ACACA: variants seen among roughly 807,000 people sequenced by gnomAD.
ACACA encodes acetyl-CoA carboxylase alpha.
In ACACA, 103 loss-of-function variants were observed where a neutral mutation model predicts 296.1. The ratio of observed to expected loss-of-function variants is 0.35; its 90% CI spans 0.30 to 0.41. The LOEUF is 0.41. Among genes scored for constraint, ACACA ranks in the 10% least tolerant of loss-of-function variants. ACACA has a pLI of 1.00. For missense variants in ACACA, 1,554 were observed against 2,989.7 expected (o/e 0.52, Z 11.20); for synonymous variants, 953 against 1,038.6 (o/e 0.92, Z 1.58).
intron 3 of ACACA, among the ~76,000 whole-genome samples, chr17:37,298,949 T>C (rs759350809): frequency 6.6e-6 from 1 of 152,226 alleles, no homozygotes; most frequent in Non-Finnish European, 1.5e-5. Context: ...CTGGAAATAC[T>C]AGCCAAATCC....
intron 14 of ACACA, among the ~76,000 whole-genome samples, chr17:37,257,380 C>T (rs2081272163): frequency 6.6e-6 from 1 of 152,100 alleles, no homozygotes; most frequent in Non-Finnish European, 1.5e-5. Flanking sequence ...GGCCAAGAAT[C>T]TACCTCCCCT....
chr17:37,309,899 A>T (rs940662094), intron 3 of ACACA, among the ~76,000 whole-genome samples: 4 of 152,080 alleles, frequency 2.6e-5, no homozygotes, highest in Non-Finnish European at 5.9e-5. Context: ...AAAAAAATTT[A>T]AAAATTATCC....
intron 1 of ACACA, among the ~76,000 whole-genome samples, chr17:37,343,634 G>A (rs527412874): frequency 1.3e-5 from 2 of 151,932 alleles, no homozygotes; most frequent in African/African-American, 2.4e-5. Context: ...GCCTGGTGGC[G>A]GGTGCCTGTA....
intron 1 of ACACA, among the ~76,000 whole-genome samples, chr17:37,347,478 T>C (rs2048680497): frequency 6.6e-6 from 1 of 152,152 alleles, no homozygotes; most frequent in Non-Finnish European, 1.5e-5. Flanking sequence ...GTGATTTTTG[T>C]GGAGACGGGG....
intron 35 of ACACA, among the ~76,000 whole-genome samples, chr17:37,195,239 T>C (rs1432802230): frequency 1.3e-5 from 2 of 152,196 alleles, no homozygotes; most frequent in African/African-American, 4.8e-5. Flanking sequence ...ATTAAAATGT[T>C]TGTTTAGGAT....
At chr17:37,201,674 T>C (rs914908256) in intron 33 of ACACA, among the ~76,000 whole-genome samples, 1 of 152,142 alleles carries the variant, frequency 6.6e-6, no homozygotes, top group Non-Finnish European at 1.5e-5. Flanking sequence ...AGAAAACATA[T>C]GAATAGTACA....
intron 3 of ACACA, among the ~76,000 whole-genome samples, chr17:37,296,482 T>A (rs989424503): frequency 6.6e-6 from 1 of 151,812 alleles, no homozygotes; most frequent in African/African-American, 2.4e-5. Context: ...ATTTTTTGTA[T>A]TTTTAGTAGA....
At chr17:37,229,324 G>A (rs1009045239) in intron 25 of ACACA, among the ~76,000 whole-genome samples, 1 of 151,908 alleles carries the variant, frequency 6.6e-6, no homozygotes, top group Admixed American at 6.5e-5. Flanking sequence ...TTGTTTTTAA[G>A]ACGGAGTCTC....
At chr17:37,173,603 T>G (rs926986615) in intron 41 of ACACA, among the ~76,000 whole-genome samples, 1 of 152,102 alleles carries the variant, frequency 6.6e-6, no homozygotes, top group African/African-American at 2.4e-5. Flanking sequence ...TGTGTATTTT[T>G]TTATATGTTT....
rs73982240 is a variant in ACACA at position 37,129,015 on chromosome 17, C to G, written c.5944+350G>C. 1.1e-3 allele frequency among the ~76,000 whole-genome samples: 172 copies of G among 152,214 alleles called. 1 individual carries two copies. Among genetic ancestry groups the G allele is most frequent in the African/African-American group, 4.1e-3 (169 of 41,534 alleles). On this transcript the variant is annotated intron_variant, in intron 47 of 55. Transcript: ENST00000616317. ...TGTAGGGATTAGATGACTGAAGATT[C>G]TAGTCCTATAATTTTATGATTTTAT...
intron 3 of ACACA, among the ~76,000 whole-genome samples, chr17:37,319,581 G>C (rs1485165059): frequency 6.6e-6 from 1 of 152,000 alleles, no homozygotes; most frequent in Non-Finnish European, 1.5e-5. Flanking sequence ...CCAGCACTTT[G>C]ACAGGTCAAA....
Position 37,085,416 on chromosome 17 carries a change from G to A in ACACA, c.*1900C>T. The A allele has an allele frequency of 2.5e-6, 1 of 394,266 alleles. No individual in the cohort carries two copies. Among genetic ancestry groups the A allele is most frequent in the Non-Finnish European group, 4.5e-6 (1 of 223,786 alleles). 24.4% of individuals were successfully genotyped at this position (394,266 alleles called of 1,614,324 possible). ...CACCCTGCCTCTGAAGACATGCCTG[G>A]ACAGGCCTCCTGGGGGGTGCAGGAC... On this transcript the variant is annotated 3_prime_UTR_variant, in exon 56 of 56. Transcript: ENST00000616317.
intron 45 of ACACA, among the ~76,000 whole-genome samples, chr17:37,134,062 G>A (rs1409174409): frequency 6.6e-6 from 1 of 152,196 alleles, no homozygotes; most frequent in Non-Finnish European, 1.5e-5. Context: ...AAAAGCCGGT[G>A]ATTAGCAGAG....
chr17:37,191,775 G>A (rs2077762357), intron 37 of ACACA, among the ~76,000 whole-genome samples: 1 of 151,262 alleles, frequency 6.6e-6, no homozygotes. Context: ...TTTTCTGTTT[G>A]TATGCTTTTT....
At chr17:37,342,228 T>C (rs904914228) in intron 1 of ACACA, among the ~76,000 whole-genome samples, 1 of 150,532 alleles carries the variant, frequency 6.6e-6, no homozygotes, top group African/African-American at 2.4e-5. Flanking sequence ...GCCAACATGG[T>C]GAAACCCCGC....
At chr17:37,230,061 CAAAAT>C (rs200709221) in intron 25 of ACACA, among the ~76,000 whole-genome samples, 2 of 149,248 alleles carry the variant, frequency 1.3e-5, no homozygotes. Context: ...AATTCCGTCT[CAAAAT>C]AAAATAAAAT....
chr17:37,207,547 C>G (rs1198102274), intron 31 of ACACA, 110 bp downstream of exon 31: 2 of 1,329,384 alleles, frequency 1.5e-6, no homozygotes, highest in African/African-American at 2.9e-5. Context: ...ATCTTTTTAG[C>G]TGGCTCATGG....
At chr17:37,258,890 G>A (rs2081326969) in intron 12 of ACACA, among the ~76,000 whole-genome samples, 2 of 151,956 alleles carry the variant, frequency 1.3e-5, no homozygotes, top group Non-Finnish European at 2.9e-5. Flanking sequence ...TTGTTTCCTG[G>A]GCTGAGAGAA....
chr17:37,097,804 CAAG>C lies in ACACA; in HGVS notation c.6720+23_6720+25del. The C allele has an allele frequency of 6.2e-7, 1 of 1,613,028 alleles. No homozygotes were observed. The highest frequency in any genetic ancestry group is 2.2e-5 in the East Asian group (1 of 44,858). ...CACTTGCCCACATGTGGGCCTCTGACAAGAAGTGGCAACCATTGTACTTACGCT... is the reference window on the plus strand; with the variant it reads ...CACTTGCCCACATGTGGGCCTCTGACAAGTGGCAACCATTGTACTTACGCT... On this transcript the variant is annotated intron_variant, in intron 53 of 55. Transcript: ENST00000616317. This position sits in a 1 kb window ranked among gnomAD's most constrained non-coding sequence, Gnocchi z 4.8.
Sources: allele counts gnomAD v4.1 joint callset (sites outside exome capture counted in the v4.1 genomes callset), GRCh38; gene constraint gnomAD v4.1.1; non-coding constraint Gnocchi (gnomAD v3.1); transcripts MANE v1.5; gene names NCBI Gene and HGNC (gene_info 2026-07-23, HGNC 2026-07-21).